The following SYNE1 variants were observed in gnomAD, a reference collection of about 807,000 sequenced individuals.
SYNE1 encodes the protein spectrin repeat containing nuclear envelope protein 1.
Under a neutral mutation model 1,111.0 loss-of-function variants are expected in SYNE1, and 616 were observed. That is an observed-to-expected ratio of 0.55 (90% CI 0.52 to 0.59). The LOEUF is 0.59. Ranked by LOEUF, SYNE1 falls within the 20% of genes least tolerant of loss-of-function variation. The probability of loss-of-function intolerance (pLI) is 0.00; values close to 1 mark genes in which losing one functional copy is unlikely to be tolerated. For missense variants in SYNE1, 10,006 were observed against 10,417.0 expected, an observed-to-expected ratio of 0.96 and a Z score of 1.72; for synonymous variants, 3,855 against 3,825.8, an observed-to-expected ratio of 1.01 and a Z score of -0.28.
At chr6:152,414,776 G>A (rs2098126952) in intron 41 of SYNE1, among the ~76,000 whole-genome samples, 1 of 152,096 alleles carries the variant, frequency 6.6e-6, no homozygotes, top group South Asian at 2.1e-4. Flanking sequence ...CTTGGTCTAA[G>A]AAGGCCATGA....
At chr6:152,415,632 A>G (rs2098139354) in intron 41 of SYNE1, among the ~76,000 whole-genome samples, 1 of 152,174 alleles carries the variant, frequency 6.6e-6, no homozygotes. Flanking sequence ...TTCTTGTTAT[A>G]GAAGATGAAT....
chr6:152,481,291 A>T (rs758305928), intron 14 of SYNE1: 1 of 254,926 alleles, frequency 3.9e-6, no homozygotes, highest in Non-Finnish European at 7.8e-6. Flanking sequence ...TGTGCCCCTC[A>T]CCTGTTGCCC....
rs375767488 is a variant in SYNE1, at chr6:152,462,505, GA to G, written c.2250+232del. The G allele has an allele frequency of 2.1e-3, 1,145 of 554,838 alleles. 3 individuals are homozygous for G. Among genetic ancestry groups the G allele is most frequent in the African/African-American group, 0.014 (710 of 51,876 alleles). 34.4% of individuals were successfully genotyped at this position (554,838 alleles called of 1,614,324 possible). On this transcript the variant is annotated intron_variant, in intron 20 of 145. Coordinates refer to ENST00000367255, the MANE Select transcript of SYNE1 (RefSeq NM_182961.4). ...CCTAATACTTTTTAACTTGGTTGTA[GA>G]AAAAAAAAATCTCCAAACTGAGAAA...
At chr6:152,230,118 G>A (rs913628909) in intron 115 of SYNE1, among the ~76,000 whole-genome samples, 7 of 151,700 alleles carry the variant, frequency 4.6e-5, no homozygotes, top group Non-Finnish European at 8.8e-5. Context: ...CTGCAGCCTC[G>A]ATCTCCTGAA....
intron 3 of SYNE1, among the ~76,000 whole-genome samples, chr6:152,590,286 T>C (rs2099555221): frequency 1.3e-5 from 2 of 151,838 alleles, no homozygotes; most frequent in South Asian, 4.2e-4. Context: ...CTGAATGAAA[T>C]AGTCACCTGA....
intron 130 of SYNE1, chr6:152,168,502 G>A (rs1339698609): frequency 9.0e-6 from 3 of 333,024 alleles, no homozygotes; most frequent in Non-Finnish European, 1.6e-5. Flanking sequence ...TCTAAAGAAA[G>A]GACAGCAAAA....
chr6:152,218,299 T>G lies in SYNE1; in HGVS notation c.22149A>C (p.Ser7383=), dbSNP rs1287606265. 1 of 1,614,012 alleles carries G rather than the reference T, an allele frequency of 6.2e-7. No individual in the cohort carries two copies. The highest frequency in any genetic ancestry group is 1.3e-5 in the African/African-American group (1 of 74,902). The change falls in exon 121 of 146, where the codon TCA becomes TCC. Residue 7383 remains serine, a synonymous_variant. Coordinates refer to ENST00000367255, the MANE Select transcript of SYNE1 (RefSeq NM_182961.4). ...TTTCCTGGATTGTGGAGAGGTCAGA[T>G]GAGTGGCTAGGGTCCTGCCCTTGTA... is the stretch of plus-strand genomic sequence containing the variant. ...EILQGQDPSH[S]SDLSTIQERM...
At chr6:152,449,106 C>G (rs1328396388) in intron 28 of SYNE1, among the ~76,000 whole-genome samples, 1 of 152,188 alleles carries the variant, frequency 6.6e-6, no homozygotes, top group Non-Finnish European at 1.5e-5. Flanking sequence ...ATGAACCAAT[C>G]CAGCTTAATG....
At chr6:152,527,889 G>T (rs2099170639) in intron 4 of SYNE1, among the ~76,000 whole-genome samples, 1 of 152,056 alleles carries the variant, frequency 6.6e-6, no homozygotes, top group Non-Finnish European at 1.5e-5. Context: ...CCTCACTTCT[G>T]CCTCTCTTCT....
intron 2 of SYNE1, among the ~76,000 whole-genome samples, chr6:152,632,605 G>A (rs937212555): frequency 6.6e-6 from 1 of 152,194 alleles, no homozygotes; most frequent in South Asian, 2.1e-4. Context: ...TATTGGAGGA[G>A]AGTGTGGTAC....
chr6:152,619,416 T>C (rs1340868422), intron 3 of SYNE1, among the ~76,000 whole-genome samples: 2 of 152,136 alleles, frequency 1.3e-5, no homozygotes, highest in South Asian at 2.1e-4. Context: ...TGCCTTACTT[T>C]TGGGGAGGGT....
intron 51 of SYNE1, among the ~76,000 whole-genome samples, chr6:152,394,554 C>T (rs2097701093): frequency 6.6e-6 from 1 of 151,746 alleles, no homozygotes; most frequent in Non-Finnish European, 1.5e-5. Context: ...GTCAAAAGCA[C>T]AGATCAGGGA....
intron 141 of SYNE1, 93 bp downstream of exon 141, chr6:152,136,525 G>T: frequency 1.3e-6 from 2 of 1,493,116 alleles, no homozygotes; most frequent in Non-Finnish European, 1.8e-6. Context: ...GAGCAACTGC[G>T]TCCCTCTAGA....
chr6:152,612,022 C>T (rs1256824323), intron 3 of SYNE1, among the ~76,000 whole-genome samples: 8 of 151,556 alleles, frequency 5.3e-5, no homozygotes, highest in Admixed American at 4.6e-4. Context: ...ATTTTTAGCA[C>T]TAAATGCCCA....
At chr6:152,170,116 T>A (rs964354338) in intron 130 of SYNE1, among the ~76,000 whole-genome samples, 1 of 152,204 alleles carries the variant, frequency 6.6e-6, no homozygotes, top group Non-Finnish European at 1.5e-5. Flanking sequence ...TTAGTTTACC[T>A]CATGGAGTTA....
At chr6:152,260,740 C>G (rs1196924535) in intron 101 of SYNE1, among the ~76,000 whole-genome samples, 1 of 151,692 alleles carries the variant, frequency 6.6e-6, no homozygotes, top group African/African-American at 2.4e-5. Context: ...GAAACTGTTC[C>G]ACCTCAGATC....
At chr6:152,175,312 T>C (rs1407337317) in intron 130 of SYNE1, among the ~76,000 whole-genome samples, 1 of 152,260 alleles carries the variant, frequency 6.6e-6, no homozygotes, top group Non-Finnish European at 1.5e-5. Flanking sequence ...AACTCTCTTA[T>C]AGAAAAGAAA....
chr6:152,207,759 G>A (rs1046759200), intron 125 of SYNE1, among the ~76,000 whole-genome samples: 1 of 152,224 alleles, frequency 6.6e-6, no homozygotes, highest in Non-Finnish European at 1.5e-5. Context: ...TGAAGTGTAA[G>A]CAGCCTTTGT....
At chr6:152,585,480 G>A (rs2099534945) in intron 3 of SYNE1, among the ~76,000 whole-genome samples, 1 of 152,126 alleles carries the variant, frequency 6.6e-6, no homozygotes, top group African/African-American at 2.4e-5. Context: ...AAGTGCAGAT[G>A]TTTTCGTCTT....
Sources: allele counts gnomAD v4.1 joint callset (sites outside exome capture counted in the v4.1 genomes callset), GRCh38; gene constraint gnomAD v4.1.1; transcripts MANE v1.5; gene names NCBI Gene and HGNC (gene_info 2026-07-23, HGNC 2026-07-21).